ARHGAP24: variants seen among roughly 807,000 people sequenced by gnomAD.
The protein encoded by ARHGAP24 is Rho GTPase activating protein 24, also known as rho GTPase-activating protein 24.
ARHGAP24 carries 50 observed loss-of-function variants against 76.4 expected under a neutral mutation model. The observed-to-expected ratio is 0.65, with a 90% CI of 0.52 to 0.83. The LOEUF is 0.83. Among genes scored for constraint, ARHGAP24 ranks in the 40% least tolerant of loss-of-function variants. The pLI is 0.00. For missense variants in ARHGAP24, 930 were observed against 914.2 expected, an observed-to-expected ratio of 1.02 and a Z score of -0.22; for synonymous variants, 345 against 323.3, an observed-to-expected ratio of 1.07 and a Z score of -0.72.
At chr4:85,973,522 G>A (rs1360606064) in intron 6 of ARHGAP24, among the ~76,000 whole-genome samples, 2 of 152,084 alleles carry the variant, frequency 1.3e-5, no homozygotes, top group Admixed American at 1.3e-4. Context: ...CACAAAAGTT[G>A]TACATTTTGA....
At chr4:85,733,326 G>A (rs537088239) in intron 3 of ARHGAP24, among the ~76,000 whole-genome samples, 60 of 151,760 alleles carry the variant, frequency 4.0e-4, no homozygotes, top group African/African-American at 1.4e-3. Context: ...GCCTCCCAAA[G>A]TGCTGGGATT....
intron 3 of ARHGAP24, among the ~76,000 whole-genome samples, chr4:85,736,033 A>G (rs2601860): frequency 0.61 from 93,328 of 151,936 alleles, 31,217 homozygotes; most frequent in Non-Finnish European, 0.77. Flanking sequence ...AATGCATCAC[A>G]CTAACCATAG....
intron 3 of ARHGAP24, among the ~76,000 whole-genome samples, chr4:85,771,787 G>A (rs1219647619): frequency 6.6e-6 from 1 of 152,134 alleles, no homozygotes; most frequent in Non-Finnish European, 1.5e-5. Flanking sequence ...CCAGCTTACT[G>A]CAACCTCTGC....
intron 3 of ARHGAP24, among the ~76,000 whole-genome samples, chr4:85,783,980 C>A (rs1296806158): frequency 6.6e-6 from 1 of 152,112 alleles, no homozygotes; most frequent in Non-Finnish European, 1.5e-5. Context: ...AATCTTCAGC[C>A]TTTTCAACCA....
intron 3 of ARHGAP24, among the ~76,000 whole-genome samples, chr4:85,846,966 G>A (rs1490841398): frequency 1.3e-5 from 2 of 152,156 alleles, no homozygotes; most frequent in African/African-American, 2.4e-5. Context: ...TAATCTAAAT[G>A]TATGTGTTCT....
rs1732095101 is a variant in ARHGAP24 at position 85,864,680 on chromosome 4, G to C, written c.269-58968G>C. Among the ~76,000 whole-genome samples, 4 of 151,734 alleles carry C rather than the reference G, an allele frequency of 2.6e-5. No individual in the cohort carries two copies. In the South Asian group the frequency reaches 8.3e-4, roughly 31 times the overall value. On this transcript the variant is annotated intron_variant, in intron 3 of 9. Transcript: ENST00000395184. The stretch of plus-strand genomic sequence containing the variant: ...AGTGGGTGAGGCAGAAAATGTAAAT[G>C]ATAGGATGGGAAGGAAGAAAGCATG...
At chr4:85,836,110 C>T (rs1425937267) in intron 3 of ARHGAP24, among the ~76,000 whole-genome samples, 1 of 152,194 alleles carries the variant, frequency 6.6e-6, no homozygotes. Context: ...TCCTAAGAAA[C>T]ATGACCTCCA....
intron 2 of ARHGAP24, among the ~76,000 whole-genome samples, chr4:85,591,484 G>A (rs1356204444): frequency 6.6e-6 from 1 of 152,018 alleles, no homozygotes; most frequent in East Asian, 1.9e-4. Flanking sequence ...AGTGAGTCTG[G>A]GAAACAAGAA....
At chr4:85,668,658 T>A (rs181807404) in intron 2 of ARHGAP24, among the ~76,000 whole-genome samples, 1 of 152,220 alleles carries the variant, frequency 6.6e-6, no homozygotes, top group East Asian at 1.9e-4. Context: ...TTTTTTAACA[T>A]CTTACTCTGT....
intron 2 of ARHGAP24, among the ~76,000 whole-genome samples, chr4:85,665,135 T>A (rs1330059283): frequency 3.3e-5 from 5 of 152,206 alleles, no homozygotes; most frequent in Non-Finnish European, 7.4e-5. Context: ...CCCATTATTA[T>A]TGTGTGGGAG....
At chr4:85,944,721 T>C (rs1057444018) in intron 5 of ARHGAP24, among the ~76,000 whole-genome samples, 3 of 152,222 alleles carry the variant, frequency 2.0e-5, no homozygotes, top group African/African-American at 7.2e-5. Context: ...CCGTGGGTAA[T>C]AACAAATCAC....
chr4:85,944,370 C>T (rs1418814045), intron 5 of ARHGAP24, among the ~76,000 whole-genome samples: 3 of 152,158 alleles, frequency 2.0e-5, no homozygotes, highest in Admixed American at 6.5e-5. Flanking sequence ...CTACTGTCTA[C>T]TTTTGAGAAG....
intron 1 of ARHGAP24, among the ~76,000 whole-genome samples, chr4:85,481,671 C>G (rs976776160): frequency 2.6e-5 from 4 of 152,180 alleles, no homozygotes; most frequent in African/African-American, 4.8e-5. Context: ...TAATCTATAT[C>G]CATTACTTCA....
intron 3 of ARHGAP24, among the ~76,000 whole-genome samples, chr4:85,877,208 T>G (rs1732985879): frequency 6.6e-6 from 1 of 152,226 alleles, no homozygotes; most frequent in Admixed American, 6.5e-5. Context: ...TTTGTTGTTT[T>G]GTTCAATTTT....
At chr4:85,896,117 T>C (rs568037062) in intron 3 of ARHGAP24, among the ~76,000 whole-genome samples, 1 of 152,334 alleles carries the variant, frequency 6.6e-6, no homozygotes, top group East Asian at 1.9e-4. Context: ...TACCAAGTAT[T>C]GCTAAACAAA....
At chr4:85,722,449 A>G (rs1210786125) in intron 3 of ARHGAP24, 1 of 184,742 alleles carries the variant, frequency 5.4e-6, no homozygotes. Context: ...TACTTGTAAT[A>G]CTGACCAAGT....
intron 4 of ARHGAP24, among the ~76,000 whole-genome samples, chr4:85,925,400 A>G (rs10018236): frequency 0.3 from 45,869 of 152,112 alleles, 7,156 homozygotes; most frequent in South Asian, 0.5. Context: ...TAATTGCCCC[A>G]AAGGGCAAGA....
chr4:85,927,238 A>C (rs943745358), intron 4 of ARHGAP24, among the ~76,000 whole-genome samples: 3 of 152,182 alleles, frequency 2.0e-5, no homozygotes, highest in Admixed American at 1.3e-4. Context: ...GCCAACCACA[A>C]AAGAGCACAT....
In ARHGAP24 at chr4:85,942,154, G is replaced by T; in HGVS notation, c.480G>T (p.Val160=). The change falls in exon 5 of 10, where the codon GTG becomes GTT. Residue 160 remains valine, a synonymous_variant. Transcript: ENST00000395184. ...CTCCGATGTTGGTGGAGCAGTGCGT[G>T]GACTTTATCCGACAAAGGGGGCTGA... ...RLAPMLVEQC[V]DFIRQRGLKE... 6.2e-7 allele frequency: 1 copy of T among 1,614,012 alleles called. No homozygotes were observed. Among genetic ancestry groups the T allele is most frequent in the South Asian group, 1.1e-5 (1 of 91,068 alleles).
Sources: gnomAD v4.1 joint callset for allele counts (sites outside exome capture counted in the v4.1 genomes callset) on GRCh38, gnomAD v4.1.1 for gene constraint, MANE v1.5 for transcripts, NCBI Gene and HGNC (gene_info 2026-07-23, HGNC 2026-07-21) for gene names.